Variants in PAM observed in about 807,000 individuals in gnomAD.
PAM encodes peptidyl-glycine alpha-amidating monooxygenase.
In PAM, 72 loss-of-function variants were observed where a neutral mutation model predicts 122.1. The ratio of observed to expected loss-of-function variants is 0.59; its 90% CI spans 0.49 to 0.72. PAM has a LOEUF of 0.72. PAM is among the 30% of genes least tolerant of loss of function. The pLI is 0.00. For missense variants in PAM, 1,106 were observed against 1,183.7 expected (o/e 0.93, Z 0.96); for synonymous variants, 389 against 404.4 (o/e 0.96, Z 0.46).
intron 1 of PAM, among the ~76,000 whole-genome samples, chr5:102,822,260 G>C (rs1035709241): frequency 6.6e-6 from 1 of 151,996 alleles, no homozygotes. Flanking sequence ...GTATTCATTT[G>C]CTCATTCATC....
intron 16 of PAM, among the ~76,000 whole-genome samples, chr5:103,001,745 A>C (rs1432057964): frequency 6.6e-6 from 1 of 152,110 alleles, no homozygotes; most frequent in African/African-American, 2.4e-5. Context: ...TATGTAGAGT[A>C]CTGAGACTCT....
chr5:102,766,962 TCATGCTCCCCTTTGACTTTCTGTTCTTTC>T (rs1754281030), intron 1 of PAM, among the ~76,000 whole-genome samples: 1 of 108,264 alleles, frequency 9.2e-6, no homozygotes, highest in African/African-American at 3.4e-5. Flanking sequence ...TTTTTTGCCA[TCATGCTCCCCTTTGACTTTCTGTTCTTTC>T]TTTCTTCTTT....
chr5:102,960,012 C>G lies in PAM; in HGVS notation c.1043C>G (p.Pro348Arg). Residue 348 changes from proline (P) to arginine (R), a missense_variant, in exon 13 of 26, where the codon CCA (proline) becomes CGA (arginine). Physicochemically the swap from Pro to Arg is moderately radical, Grantham distance 103 (BLOSUM62 -2). This residue lies in a region of PAM where 670 missense variants were observed against 690.3 expected (regional missense o/e 0.97). Transcript: ENST00000438793. Reference protein sequence around the residue: ...FRTIPPEANIPIPVKSDMVMM... With the variant: ...FRTIPPEANIRIPVKSDMVMM... ...ACCATACCACCAGAGGCCAACATTC[C>G]AATTCCCGTGAAGTCTGATATGGTT... 6.2e-7 allele frequency: 1 copy of G among 1,611,552 alleles called. No individual in the cohort carries two copies. The highest frequency in any genetic ancestry group is 8.5e-7 in the Non-Finnish European group (1 of 1,178,014).
chr5:102,901,825 A>G (rs1024721476), intron 4 of PAM, among the ~76,000 whole-genome samples: 6 of 151,574 alleles, frequency 4.0e-5, no homozygotes, highest in African/African-American at 1.5e-4. Context: ...TCAGACAGGT[A>G]GATGGATAGA....
At chr5:102,787,756 A>T (rs768562025) in intron 1 of PAM, among the ~76,000 whole-genome samples, 6 of 152,002 alleles carry the variant, frequency 3.9e-5, no homozygotes, top group Non-Finnish European at 5.9e-5. Context: ...CCAACCAATT[A>T]TAGAGCATTT....
chr5:102,822,422 C>T (rs985435511), intron 1 of PAM, among the ~76,000 whole-genome samples: 17 of 152,054 alleles, frequency 1.1e-4, no homozygotes, highest in Admixed American at 7.9e-4. Flanking sequence ...TAATTCCAAG[C>T]GGGACCATTT....
intron 1 of PAM, among the ~76,000 whole-genome samples, chr5:102,856,183 GAA>G (rs1561644506): frequency 6.6e-6 from 1 of 152,136 alleles, no homozygotes; most frequent in Non-Finnish European, 1.5e-5. Context: ...AGAGTTCACA[GAA>G]GGTTGTCCAC....
At chr5:102,929,997 G>A (rs1283650162) in intron 7 of PAM, among the ~76,000 whole-genome samples, 3 of 151,948 alleles carry the variant, frequency 2.0e-5, no homozygotes, top group South Asian at 4.1e-4. Context: ...GTTTTAGACT[G>A]TGATCTTCCT....
Position 103,006,883 on chromosome 5 carries a change from A to C in PAM, c.1886A>C (p.His629Pro). 6.2e-7 allele frequency: 1 copy of C among 1,613,890 alleles called. No individual in the cohort carries two copies. The highest frequency in any genetic ancestry group is 8.5e-7 in the Non-Finnish European group (1 of 1,179,798). Reference sequence around the variant, plus strand: ...ATGCAACCAGGCAGTGACCAGAATCACTTCTGTCAACCCACTGATGTGGCT... The same window carrying C: ...ATGCAACCAGGCAGTGACCAGAATCCCTTCTGTCAACCCACTGATGTGGCT... ...RSMQPGSDQN[H>P]FCQPTDVAVD... Residue 629 changes from histidine (H) to proline (P), a missense_variant, in exon 19 of 26, where the codon CAC becomes CCC. His to Pro is a moderately conservative substitution (Grantham distance 77). This residue lies in a region of PAM where 103 missense variants were observed against 157.9 expected (regional missense o/e 0.65). Transcript: ENST00000438793.
At chr5:102,946,623 C>T (rs934766372) in intron 7 of PAM, among the ~76,000 whole-genome samples, 1 of 149,238 alleles carries the variant, frequency 6.7e-6, no homozygotes, top group Non-Finnish European at 1.5e-5. Context: ...CCATAGACTG[C>T]ATGAAATGAT....
intron 15 of PAM, chr5:102,989,834 AGAT>A (rs1773489668): frequency 6.6e-6 from 1 of 152,232 alleles, no homozygotes; most frequent in African/African-American, 2.4e-5. Flanking sequence ...ATAGATAGAT[AGAT>A]GAGGGAAAAG....
At chr5:102,945,199 C>T (rs961148792) in intron 7 of PAM, among the ~76,000 whole-genome samples, 1 of 151,982 alleles carries the variant, frequency 6.6e-6, no homozygotes, top group African/African-American at 2.4e-5. Flanking sequence ...ATCACTAGTG[C>T]TAATCTATTG....
At chr5:103,025,538 G>A (rs1371803635) in intron 24 of PAM, among the ~76,000 whole-genome samples, 1 of 152,080 alleles carries the variant, frequency 6.6e-6, no homozygotes, top group African/African-American at 2.4e-5. Flanking sequence ...TGGAGACTCT[G>A]AAATTTGGAT....
intron 3 of PAM, among the ~76,000 whole-genome samples, chr5:102,877,267 A>G (rs1177520481): frequency 2.0e-5 from 3 of 152,218 alleles, no homozygotes; most frequent in South Asian, 2.1e-4. Flanking sequence ...CTGCATTACA[A>G]TGGATTAGTT....
rs114246729 is a variant in PAM, at chr5:102,775,135, C to G, written c.-374+19787C>G. On this transcript the variant is annotated intron_variant, in intron 1 of 25. Coordinates refer to ENST00000438793, the MANE Select transcript of PAM (RefSeq NM_001177306.2). ...CAACATCATTAATTGAATAATTATT[C>G]CTTCCCTATTGATTTAAAATACCAC... Among the ~76,000 whole-genome samples, 1,279 of 151,942 alleles carry G rather than the reference C, an allele frequency of 8.4e-3. 12 individuals are homozygous for G. The highest frequency in any genetic ancestry group is 0.024 in the Middle Eastern group (7 of 292).
chr5:103,008,952 T>C (rs1274784383), intron 20 of PAM, among the ~76,000 whole-genome samples: 2 of 152,158 alleles, frequency 1.3e-5, no homozygotes, highest in African/African-American at 4.8e-5. Flanking sequence ...TTGATGTTTA[T>C]AGTGTTTTTT....
Position 102,974,296 on chromosome 5 carries a change from G to A in PAM, c.1343G>A (p.Arg448Lys), listed in dbSNP as rs778240163. Residue 448 changes from arginine to lysine, a missense_variant, in exon 15 of 26, where the codon AGG becomes AAG. Transcript: ENST00000438793. Reference sequence around the variant, plus strand: ...GCCAGAGAGGGTGCAGAACATGAGAGGGGTAATGCTATTCTTGTCAGAGAC... The same window carrying A: ...GCCAGAGAGGGTGCAGAACATGAGAAGGGTAATGCTATTCTTGTCAGAGAC... ...SDAREGAEHE[R>K]GNAILVRDRI... 3.7e-5 allele frequency: 60 copies of A among 1,614,034 alleles called. No homozygotes were observed. The highest frequency in any genetic ancestry group is 2.8e-5 in the Non-Finnish European group (33 of 1,179,932).
intron 12 of PAM, among the ~76,000 whole-genome samples, chr5:102,958,518 G>A (rs551423826): frequency 7.9e-5 from 12 of 152,178 alleles, no homozygotes; most frequent in African/African-American, 2.9e-4. Context: ...TCTTAGGAAT[G>A]GTGTTTTGAC....
chr5:102,920,527 G>C (rs1404017659), intron 5 of PAM, among the ~76,000 whole-genome samples: 3 of 151,950 alleles, frequency 2.0e-5, no homozygotes, highest in Non-Finnish European at 4.4e-5. Flanking sequence ...ATTAATGTCT[G>C]TCCATTGCAT....
Sources: allele counts gnomAD v4.1 joint callset (sites outside exome capture counted in the v4.1 genomes callset), GRCh38; gene constraint gnomAD v4.1.1; regional missense constraint gnomAD v4.1.1; transcripts MANE v1.5; gene names NCBI Gene and HGNC (gene_info 2026-07-23, HGNC 2026-07-21).